ADGRB3: variants seen among roughly 807,000 people sequenced by gnomAD.
ADGRB3 encodes brain-specific angiogenesis inhibitor 3.
A neutral mutation model predicts 193.4 loss-of-function variants in ADGRB3; 37 were observed. The observed-to-expected ratio is 0.19, with a 90% confidence interval of 0.15 to 0.25. The LOEUF (loss-of-function observed/expected upper bound fraction) is 0.25. Ranked by LOEUF, ADGRB3 falls within the 10% of genes least tolerant of loss-of-function variation. ADGRB3 has a pLI of 1.00. For missense variants in ADGRB3, 1,637 were observed against 1,852.9 expected (o/e 0.88, Z 2.14); for synonymous variants, 690 against 644.2 (o/e 1.07, Z -1.08).
intron 20 of ADGRB3, among the ~76,000 whole-genome samples, chr6:69,278,146 T>C (rs1767342494): frequency 6.6e-6 from 1 of 152,188 alleles, no homozygotes; most frequent in Non-Finnish European, 1.5e-5. Flanking sequence ...AATTCATACT[T>C]ATAGGATTCC....
intron 3 of ADGRB3, among the ~76,000 whole-genome samples, chr6:68,760,454 A>T (rs1766376491): frequency 6.6e-6 from 1 of 152,222 alleles, no homozygotes; most frequent in African/African-American, 2.4e-5. Flanking sequence ...AAGTGAGATA[A>T]GTAATTCATA....
intron 31 of ADGRB3, among the ~76,000 whole-genome samples, chr6:69,384,916 A>G (rs927724790): frequency 6.6e-6 from 1 of 151,566 alleles, no homozygotes; most frequent in Non-Finnish European, 1.5e-5. Context: ...GGGTGGAGAC[A>G]GACTTTTTTA....
chr6:69,334,348 G>T (rs971742371), intron 24 of ADGRB3, among the ~76,000 whole-genome samples: 3 of 152,060 alleles, frequency 2.0e-5, no homozygotes, highest in Non-Finnish European at 2.9e-5. Flanking sequence ...GATAATCTGG[G>T]TATTTATTTT....
chr6:68,958,017 G>A (rs1456367883), intron 8 of ADGRB3, among the ~76,000 whole-genome samples: 4 of 151,704 alleles, frequency 2.6e-5, no homozygotes, highest in Admixed American at 1.3e-4. Flanking sequence ...CCTGGCCAAC[G>A]TGGCGAAACC....
intron 17 of ADGRB3, among the ~76,000 whole-genome samples, chr6:69,206,364 A>G (rs1198865736): frequency 2.6e-5 from 4 of 151,932 alleles, no homozygotes; most frequent in African/African-American, 7.3e-5. Context: ...ACTGACTCAA[A>G]TGTTAATCTC....
intron 3 of ADGRB3, among the ~76,000 whole-genome samples, chr6:68,666,956 T>C (rs533296719): frequency 1.3e-5 from 2 of 151,896 alleles, no homozygotes; most frequent in Non-Finnish European, 1.5e-5. Flanking sequence ...TCTACAAATA[T>C]GAAGTTGACC....
intron 3 of ADGRB3, among the ~76,000 whole-genome samples, chr6:68,657,290 A>AT (rs1768512099): frequency 1.3e-5 from 2 of 151,330 alleles, no homozygotes; most frequent in South Asian, 2.1e-4. Flanking sequence ...TTACAGAACT[A>AT]TTTGTTTTCT....
chr6:68,770,153 T>C (rs1766587177), intron 3 of ADGRB3, among the ~76,000 whole-genome samples: 1 of 152,106 alleles, frequency 6.6e-6, no homozygotes, highest in African/African-American at 2.4e-5. Flanking sequence ...CATTCTCAGT[T>C]TTATCCCAGG....
chr6:69,225,732 T>A (rs2127252747), intron 17 of ADGRB3, among the ~76,000 whole-genome samples: 1 of 152,326 alleles, frequency 6.6e-6, no homozygotes, highest in East Asian at 1.9e-4. Flanking sequence ...TGTGGGAGCT[T>A]AATTTATCTC....
At chr6:68,643,410 C>T (rs1188319728) in intron 3 of ADGRB3, among the ~76,000 whole-genome samples, 1 of 143,902 alleles carries the variant, frequency 6.9e-6, no homozygotes, top group Non-Finnish European at 1.5e-5. Flanking sequence ...AGTCATCATT[C>T]ACCTTTCTCT....
At chr6:68,985,059 G>T (rs1769030861) in intron 10 of ADGRB3, among the ~76,000 whole-genome samples, 1 of 151,548 alleles carries the variant, frequency 6.6e-6, no homozygotes, top group Admixed American at 6.6e-5. Flanking sequence ...GGATTAGCAG[G>T]CTGCATTGTA....
chr6:69,335,139 AT>A (rs1362182256), intron 24 of ADGRB3, among the ~76,000 whole-genome samples: 1 of 152,094 alleles, frequency 6.6e-6, no homozygotes, highest in African/African-American at 2.4e-5. Context: ...TTAAAAAAAA[AT>A]TTAATAAAAA....
rs145745172 is a variant in ADGRB3 at position 68,729,646 on chromosome 6, C to G, written c.757+90214C>G. On this transcript the variant is annotated intron_variant, in intron 3 of 31. Transcript: ENST00000370598. ...AATCCCCAAGAATCTCTTTCCCAGGCTATTTACAGATTCAGGGCCAAAATT... is the reference window on the plus strand; with the variant it reads ...AATCCCCAAGAATCTCTTTCCCAGGGTATTTACAGATTCAGGGCCAAAATT... Among the ~76,000 whole-genome samples the G allele has an allele frequency of 2.0e-3, 298 of 151,660 alleles. 1 individual carries two copies. The highest frequency in any genetic ancestry group is 3.3e-3 in the Non-Finnish European group (223 of 67,698).
intron 17 of ADGRB3, among the ~76,000 whole-genome samples, chr6:69,210,510 T>G (rs1765641812): frequency 6.6e-6 from 1 of 152,116 alleles, no homozygotes; most frequent in African/African-American, 2.4e-5. Flanking sequence ...GGATCACTAC[T>G]TTGTATTCTT....
intron 3 of ADGRB3, among the ~76,000 whole-genome samples, chr6:68,815,603 TTGTGTG>T (rs5877170): frequency 0.1 from 14,393 of 137,214 alleles, 839 homozygotes; most frequent in African/African-American, 0.16. Flanking sequence ...CCATCAAAAA[TTGTGTG>T]TGTGTGTGTG....
chr6:68,994,023 A>G, intron 11 of ADGRB3, 61 bp downstream of exon 11: 1 of 1,546,034 alleles, frequency 6.5e-7, no homozygotes, highest in Non-Finnish European at 8.8e-7. Context: ...TTTTGGTCCC[A>G]CGAAGCCAGT....
chr6:68,718,177 G>A (rs768903603), intron 3 of ADGRB3, among the ~76,000 whole-genome samples: 1 of 151,718 alleles, frequency 6.6e-6, no homozygotes, highest in Non-Finnish European at 1.5e-5. Flanking sequence ...GGTGTTTAGG[G>A]ATGTTTTAAA....
chr6:69,235,282 C>T (rs900373986), intron 19 of ADGRB3, 147 bp downstream of exon 19: 8 of 678,492 alleles, frequency 1.2e-5, no homozygotes, highest in East Asian at 2.7e-5. Flanking sequence ...TGTGATTGAG[C>T]TTTAATAAAT....
intron 13 of ADGRB3, among the ~76,000 whole-genome samples, chr6:69,027,603 A>T (rs1407402665): frequency 6.6e-6 from 1 of 152,178 alleles, no homozygotes; most frequent in African/African-American, 2.4e-5. Flanking sequence ...TTATCATCTG[A>T]TGTAGGTACT....
Sources: allele counts gnomAD v4.1 joint callset (sites outside exome capture counted in the v4.1 genomes callset), GRCh38; gene constraint gnomAD v4.1.1; transcripts MANE v1.5; gene names NCBI Gene and HGNC (gene_info 2026-07-23, HGNC 2026-07-21).